Variants in CNGA3 observed in about 807,000 individuals in gnomAD.
CNGA3 encodes cyclic nucleotide-gated channel alpha-3.
A neutral mutation model predicts 46.6 loss-of-function variants in CNGA3; 42 were observed. That is an observed-to-expected ratio of 0.90 (90% CI 0.70 to 1.17). The LOEUF (loss-of-function observed/expected upper bound fraction) is 1.17, where lower values mean the gene tolerates loss of function less well. CNGA3 is among the 50% of genes most tolerant of loss of function. The pLI, the probability that CNGA3 is intolerant of heterozygous loss-of-function variation, is 0.00. For synonymous variants in CNGA3, 394 were observed against 369.4 expected (o/e 1.07, Z -0.76); for missense variants, 893 against 890.7 (o/e 1.00, Z -0.03).
chr2:98,388,255 C>T (rs1692700983), intron 5 of CNGA3, among the ~76,000 whole-genome samples: 1 of 152,096 alleles, frequency 6.6e-6, no homozygotes, highest in Non-Finnish European at 1.5e-5. Flanking sequence ...AAATGTGCCC[C>T]GGCATCATCC....
At chr2:98,384,047 C>T (rs1459824154) in intron 5 of CNGA3, among the ~76,000 whole-genome samples, 1 of 152,050 alleles carries the variant, frequency 6.6e-6, no homozygotes, top group African/African-American at 2.4e-5. Flanking sequence ...CCACCACACC[C>T]GGCTAGTTTT....
In CNGA3 at chr2:98,375,210, C is replaced by CG. The variant is rs565520885; in HGVS notation, c.102-2476dup. Among the ~76,000 whole-genome samples the CG allele has an allele frequency of 1.2e-4, 18 of 152,338 alleles. 1 individual carries two copies. In the South Asian group the frequency reaches 3.7e-3, roughly 32 times the overall value. On this transcript the variant is annotated intron_variant, in intron 2 of 7. Coordinates refer to ENST00000272602, the MANE Select transcript of CNGA3 (RefSeq NM_001298.3). Reference sequence around the variant, plus strand: ...CTCTGATGTTATCTAATTCATTTGCCGCGAATGCAAATAAATCTGGTCTCA... The same window carrying CG: ...CTCTGATGTTATCTAATTCATTTGCCGGCGAATGCAAATAAATCTGGTCTCA...
intron 5 of CNGA3, among the ~76,000 whole-genome samples, chr2:98,385,073 G>T (rs2104218105): frequency 1.3e-5 from 2 of 152,284 alleles, no homozygotes; most frequent in African/African-American, 4.8e-5. Flanking sequence ...GGGTTCTTTT[G>T]GGGCAGTGCT....
At chr2:98,347,977 A>G (rs1194082975) in intron 1 of CNGA3, among the ~76,000 whole-genome samples, 1 of 152,084 alleles carries the variant, frequency 6.6e-6, no homozygotes, top group African/African-American at 2.4e-5. Context: ...TTGGGCCGGG[A>G]GAGGAGAGAT....
chr2:98,379,650 A>G (rs1692494258), intron 3 of CNGA3, among the ~76,000 whole-genome samples: 1 of 152,210 alleles, frequency 6.6e-6, no homozygotes, highest in African/African-American at 2.4e-5. Flanking sequence ...CCAATAAGAT[A>G]AAAGCTGGGA....
chr2:98,398,287 C>A lies in CNGA3; in HGVS notation c.*1032C>A, dbSNP rs113270427. Reference sequence around the variant, plus strand: ...TGCAGAAATTAGCTTTTTTAAAAAACAAACCCCAGTAAATATAATTTCATT... The same window carrying A: ...TGCAGAAATTAGCTTTTTTAAAAAAAAAACCCCAGTAAATATAATTTCATT... On this transcript the variant is annotated 3_prime_UTR_variant, in exon 8 of 8. Transcript: ENST00000272602. 1.4e-4 allele frequency: 21 copies of A among 152,162 alleles called. No individual in the cohort carries two copies. Among genetic ancestry groups the A allele is most frequent in the Non-Finnish European group, 2.5e-4 (17 of 68,016 alleles). The allele number at this position is 152,162 out of a possible 1,614,324, so 9.4% of individuals were successfully genotyped here. A position where few individuals can be genotyped will look rare whatever the true frequency, so the allele number is the denominator to read the frequency against.
chr2:98,381,149 T>G (rs1692528555), intron 4 of CNGA3, among the ~76,000 whole-genome samples: 1 of 152,094 alleles, frequency 6.6e-6, no homozygotes, highest in Admixed American at 6.6e-5. Context: ...CAGCACAGGT[T>G]GAATCAATTG....
At position 98,396,047 on chromosome 2, in the gene CNGA3, A is replaced by G; in HGVS notation, c.877A>G (p.Thr293Ala). Reference protein sequence around the residue: ...RLFEFFDRTETRTNYPNMFRI... With the variant: ...RLFEFFDRTEARTNYPNMFRI... ...CTTTGAATTCTTTGACCGCACAGAG[A>G]CAAGGACCAACTACCCCAATATGTT... Residue 293 changes from threonine to alanine, a missense_variant, in exon 8 of 8, where the codon ACA becomes GCA. Thr to Ala is a moderately conservative substitution (Grantham distance 58). Transcript: ENST00000272602. 2 of 1,614,186 alleles carry G rather than the reference A, an allele frequency of 1.2e-6. No homozygotes were observed. The highest frequency in any genetic ancestry group is 2.2e-5 in the South Asian group (2 of 91,082).
chr2:98,389,781 G>C lies in CNGA3; in HGVS notation c.566+7G>C, dbSNP rs374306710. The C allele has an allele frequency of 2.5e-6, 4 of 1,607,926 alleles. No homozygotes were observed. The highest frequency in any genetic ancestry group is 1.3e-5 in the African/African-American group (1 of 74,774). On this transcript the variant is annotated splice_region_variant and intron_variant, in intron 6 of 7. Transcript: ENST00000272602. The stretch of plus-strand genomic sequence containing the variant: ...GGTATCTGCTTATTTGCAGGTAAGC[G>C]ACAGGGGTGGAAGGTGCAGCGGAAA...
intron 1 of CNGA3, among the ~76,000 whole-genome samples, chr2:98,369,529 G>A (rs1274853006): frequency 6.6e-6 from 1 of 152,226 alleles, no homozygotes; most frequent in East Asian, 1.9e-4. Context: ...TGAGGGAGCA[G>A]TGGAAATAGG....
chr2:98,393,821 G>A (rs1400915983), intron 7 of CNGA3, among the ~76,000 whole-genome samples: 1 of 152,100 alleles, frequency 6.6e-6, no homozygotes, highest in Admixed American at 6.6e-5. Flanking sequence ...TTAGAATTGA[G>A]AGAAGACATC....
chr2:98,375,166 T>C (rs1032903231), intron 2 of CNGA3, among the ~76,000 whole-genome samples: 14 of 152,362 alleles, frequency 9.2e-5, no homozygotes, highest in African/African-American at 3.1e-4. Context: ...GGGTTTTGCC[T>C]TCCTCACCCA....
intron 2 of CNGA3, among the ~76,000 whole-genome samples, chr2:98,371,266 C>T (rs1286768556): frequency 1.3e-5 from 2 of 152,124 alleles, no homozygotes; most frequent in Non-Finnish European, 2.9e-5. Context: ...GTCTGATGGC[C>T]CCAAAATGCA....
intron 3 of CNGA3, 89 bp downstream of exon 3, chr2:98,377,889 G>A: frequency 7.4e-7 from 1 of 1,344,422 alleles, no homozygotes; most frequent in Non-Finnish European, 1.0e-6. Context: ...GTGCTAGATG[G>A]GGGTGGAGTT....
chr2:98,393,373 C>T (rs1692836620), intron 7 of CNGA3, among the ~76,000 whole-genome samples: 1 of 152,226 alleles, frequency 6.6e-6, no homozygotes, highest in Non-Finnish European at 1.5e-5. Context: ...CTGCATGAGA[C>T]AAGAAGCTCA....
At chr2:98,365,285 T>TA (rs1208124942) in intron 1 of CNGA3, among the ~76,000 whole-genome samples, 1 of 152,180 alleles carries the variant, frequency 6.6e-6, no homozygotes, top group Non-Finnish European at 1.5e-5. Context: ...CTACTAAAAA[T>TA]ACAAAAATTA....
intron 7 of CNGA3, 144 bp from the exon 8 acceptor site, chr2:98,395,700 T>C (rs1447980454): frequency 1.4e-6 from 1 of 692,954 alleles, no homozygotes; most frequent in Non-Finnish European, 2.6e-6. Flanking sequence ...CCTGTAGTAA[T>C]GGTAAGTGTT....
chr2:98,382,201 G>C (rs1052841759), intron 4 of CNGA3, among the ~76,000 whole-genome samples: 1 of 152,122 alleles, frequency 6.6e-6, no homozygotes, highest in Non-Finnish European at 1.5e-5. Context: ...CTGGGGGTGA[G>C]GATTTTGAAT....
rs781101783 is a variant in CNGA3, at chr2:98,380,210, C to A, written c.251C>A (p.Ala84Asp). 6.2e-7 allele frequency: 1 copy of A among 1,614,230 alleles called. No individual in the cohort carries two copies. The highest frequency in any genetic ancestry group is 8.5e-7 in the Non-Finnish European group (1 of 1,180,046). The stretch of plus-strand genomic sequence containing the variant: ...CTCATCTTCTTGCTGCGCAGGTGGG[C>A]TGCCAGGCATGTGCACCACCAGGAC... ...SRLIFLLRRW[A>D]ARHVHHQDQG... The change falls in exon 4 of 8, where the codon GCT (alanine) becomes GAT (aspartate). Residue 84 changes from alanine (A) to aspartate (D), a missense_variant. Around this residue, in one of 3 missense-constraint regions of CNGA3, gnomAD observed 333 missense variants for 290.8 expected, o/e 1.15. Transcript: ENST00000272602.
Sources: gnomAD v4.1 joint callset for allele counts (sites outside exome capture counted in the v4.1 genomes callset) on GRCh38, gnomAD v4.1.1 for gene constraint, gnomAD v4.1.1 regional missense constraint, MANE v1.5 for transcripts, NCBI Gene and HGNC (gene_info 2026-07-23, HGNC 2026-07-21) for gene names.